The following NALF1 variants were observed in gnomAD, a reference collection of about 807,000 sequenced individuals.
NALF1 encodes family with sequence similarity 155 member A.
In NALF1, 3 loss-of-function variants were observed where a neutral mutation model predicts 48.4. That is an observed-to-expected ratio of 0.06 (90% CI 0.03 to 0.16). The LOEUF (loss-of-function observed/expected upper bound fraction) is 0.16, where lower values mean the gene tolerates loss of function less well. NALF1 is among the 10% of genes least tolerant of loss of function. NALF1 has a pLI of 1.00. For missense variants in NALF1, 526 were observed against 571.5 expected (o/e 0.92, Z 0.81); for synonymous variants, 262 against 245.7 (o/e 1.07, Z -0.62).
At chr13:107,530,759 G>A (rs1246637703) in intron 1 of NALF1, among the ~76,000 whole-genome samples, 1 of 152,014 alleles carries the variant, frequency 6.6e-6, no homozygotes, top group East Asian at 1.9e-4. Context: ...AATCTGTCCA[G>A]AGCTGAGGCT....
At chr13:107,865,490 G>C (rs980262108) in intron 1 of NALF1, among the ~76,000 whole-genome samples, 192 bp downstream of exon 1, 2 of 152,096 alleles carry the variant, frequency 1.3e-5, no homozygotes, top group African/African-American at 4.8e-5. Context: ...CCCAGAAGAA[G>C]GCATCAGTCA....
intron 1 of NALF1, among the ~76,000 whole-genome samples, chr13:107,510,384 G>A (rs974711037): frequency 6.6e-5 from 10 of 152,158 alleles, no homozygotes; most frequent in Non-Finnish European, 1.3e-4. Context: ...CTACAACGGA[G>A]GGTCTGATTT....
intron 1 of NALF1, among the ~76,000 whole-genome samples, chr13:107,654,265 A>G (rs934615074): frequency 2.6e-5 from 4 of 152,204 alleles, no homozygotes; most frequent in Admixed American, 1.3e-4. Context: ...CTTTATGTGC[A>G]TAAGCTATTA....
chr13:107,372,392 G>T (rs973207485), intron 1 of NALF1, among the ~76,000 whole-genome samples: 1 of 152,174 alleles, frequency 6.6e-6, no homozygotes, highest in Non-Finnish European at 1.5e-5. Context: ...CATGAATATT[G>T]CAGGCACAGA....
rs1285918012 is a variant in NALF1, at chr13:107,866,658, C to T, written c.-62G>A. The stretch of plus-strand genomic sequence containing the variant: ...GAGGGCGCCTGTGCCGGTGTCACCA[C>T]AATATGCATTGACTTAAAGGGTTTA... On this transcript the variant is annotated 5_prime_UTR_variant, in exon 1 of 3. The change creates a new upstream start codon in the 5' untranslated region. Coordinates refer to ENST00000375915, the MANE Select transcript of NALF1 (RefSeq NM_001080396.3). This position sits in a 1 kb window ranked among gnomAD's most constrained non-coding sequence, Gnocchi z 4.4. 1 of 1,379,296 alleles carries T rather than the reference C, an allele frequency of 7.3e-7. No homozygotes were observed. Among genetic ancestry groups the T allele is most frequent in the African/African-American group, 1.4e-5 (1 of 69,320 alleles). The allele number at this position is 1,379,296 out of a possible 1,614,324, so 85.4% of individuals were successfully genotyped here.
intron 1 of NALF1, among the ~76,000 whole-genome samples, chr13:107,400,903 CAT>C (rs1469126703): frequency 6.6e-6 from 1 of 152,060 alleles, no homozygotes; most frequent in Non-Finnish European, 1.5e-5. Context: ...TGAGATCCCA[CAT>C]ACACACTTTT....
intron 1 of NALF1, among the ~76,000 whole-genome samples, chr13:107,298,337 G>A (rs1881764791): frequency 2.3e-5 from 2 of 86,698 alleles, no homozygotes; most frequent in African/African-American, 9.5e-5. Context: ...GCGACAGAGA[G>A]AGAGACTCCA....
intron 1 of NALF1, among the ~76,000 whole-genome samples, chr13:107,489,732 T>C (rs1224912275): frequency 6.6e-6 from 1 of 151,438 alleles, no homozygotes; most frequent in Non-Finnish European, 1.5e-5. Context: ...ATGATGAAGG[T>C]GCCAGATGGG....
chr13:107,286,586 C>CAAAAAAAAAAAAA (rs1159508752), intron 1 of NALF1, among the ~76,000 whole-genome samples: 2 of 102,080 alleles, frequency 2.0e-5, no homozygotes, highest in Non-Finnish European at 2.0e-5. Context: ...GACCCTGTCT[C>CAAAAAAAAAAAAA]AAAAAAAAAA....
chr13:107,598,619 C>T (rs1878825690), intron 1 of NALF1, among the ~76,000 whole-genome samples: 1 of 152,138 alleles, frequency 6.6e-6, no homozygotes, highest in Admixed American at 6.5e-5. Context: ...GTAGAAATTC[C>T]ATTATTCTAA....
chr13:107,235,036 G>A (rs1265122139), intron 1 of NALF1, among the ~76,000 whole-genome samples: 1 of 152,116 alleles, frequency 6.6e-6, no homozygotes, highest in Non-Finnish European at 1.5e-5. Flanking sequence ...CTTTGGATAG[G>A]AAAGCCTGAA....
At chr13:107,645,156 A>G (rs942549628) in intron 1 of NALF1, among the ~76,000 whole-genome samples, 18 of 152,124 alleles carry the variant, frequency 1.2e-4, no homozygotes, top group African/African-American at 3.6e-4. Context: ...AGTCTTAAGG[A>G]TGTATATATT....
chr13:107,250,543 G>T (rs923522356), intron 1 of NALF1, among the ~76,000 whole-genome samples: 5 of 152,152 alleles, frequency 3.3e-5, no homozygotes, highest in Non-Finnish European at 7.4e-5. Flanking sequence ...ATATGTGATA[G>T]AAATATTATG....
chr13:107,345,532 C>A (rs185454785), intron 1 of NALF1, among the ~76,000 whole-genome samples: 5 of 152,116 alleles, frequency 3.3e-5, no homozygotes, highest in Admixed American at 6.5e-5. Flanking sequence ...CTTTGACAAG[C>A]ATGCAAAGTC....
intron 2 of NALF1, among the ~76,000 whole-genome samples, chr13:107,182,359 A>C (rs1435527329): frequency 6.6e-6 from 1 of 151,696 alleles, no homozygotes; most frequent in Non-Finnish European, 1.5e-5. Context: ...TGCAGCCTTT[A>C]GCTTCCAGGC....
intron 1 of NALF1, among the ~76,000 whole-genome samples, chr13:107,613,391 A>C (rs1184764365): frequency 6.6e-6 from 1 of 152,194 alleles, no homozygotes; most frequent in East Asian, 1.9e-4. Context: ...CTCCAGGCCA[A>C]CTGGGGAATG....
At chr13:107,852,857 A>G (rs1240886652) in intron 1 of NALF1, among the ~76,000 whole-genome samples, 2 of 152,224 alleles carry the variant, frequency 1.3e-5, no homozygotes, top group Non-Finnish European at 2.9e-5. Flanking sequence ...ATAGCATTCC[A>G]CTGATAAGAG....
chr13:107,220,965 C>T (rs1331114734), intron 1 of NALF1, among the ~76,000 whole-genome samples: 1 of 151,884 alleles, frequency 6.6e-6, no homozygotes, highest in Non-Finnish European at 1.5e-5. Context: ...GAATACTAGT[C>T]AGCCATAAAA....
chr13:107,552,529 G>A (rs903900305), intron 1 of NALF1, among the ~76,000 whole-genome samples: 4 of 152,070 alleles, frequency 2.6e-5, no homozygotes, highest in African/African-American at 9.7e-5. Flanking sequence ...GAGTCCATCA[G>A]TCTACAAACA....
Sources: allele counts gnomAD v4.1 joint callset (sites outside exome capture counted in the v4.1 genomes callset), GRCh38; gene constraint gnomAD v4.1.1; non-coding constraint Gnocchi (gnomAD v3.1); transcripts MANE v1.5; gene names NCBI Gene and HGNC (gene_info 2026-07-23, HGNC 2026-07-21).